ZBTB20: variants seen among roughly 807,000 people sequenced by gnomAD.
ZBTB20 encodes the protein zinc finger and BTB domain-containing protein 20.
Under a neutral mutation model 56.9 loss-of-function variants are expected in ZBTB20, and 9 were observed. The ratio of observed to expected loss-of-function variants is 0.16; its 90% CI spans 0.10 to 0.28. ZBTB20 has a LOEUF of 0.28. Among genes scored for constraint, ZBTB20 ranks in the 10% least tolerant of loss-of-function variants. The pLI is 1.00. For synonymous variants in ZBTB20, 417 were observed against 420.7 expected (o/e 0.99, Z 0.11); for missense variants, 655 against 1,003.0 (o/e 0.65, Z 4.69).
At chr3:114,910,754 G>A (rs569784307) in intron 3 of ZBTB20, among the ~76,000 whole-genome samples, 6 of 152,082 alleles carry the variant, frequency 3.9e-5, no homozygotes, top group African/African-American at 1.4e-4. Context: ...AGCAGCAGTT[G>A]ATAGAGGGAG....
chr3:114,800,791 A>G (rs1181145419), intron 5 of ZBTB20, among the ~76,000 whole-genome samples: 1 of 150,736 alleles, frequency 6.6e-6, no homozygotes. Flanking sequence ...AAAATAAAAT[A>G]AAATAAAAAA....
chr3:114,721,313 A>G (rs1018185432), intron 5 of ZBTB20, among the ~76,000 whole-genome samples: 3 of 152,046 alleles, frequency 2.0e-5, no homozygotes, highest in African/African-American at 7.3e-5. Context: ...GCATAAAGGT[A>G]ATGAGAGAGA....
At chr3:115,068,067 T>G (rs2082272303) in intron 2 of ZBTB20, among the ~76,000 whole-genome samples, 1 of 151,802 alleles carries the variant, frequency 6.6e-6, no homozygotes. Flanking sequence ...GTTCTGAATA[T>G]CATGTTGACT....
At chr3:114,583,475 A>T (rs898858756) in intron 6 of ZBTB20, among the ~76,000 whole-genome samples, 1 of 152,228 alleles carries the variant, frequency 6.6e-6, no homozygotes, top group Non-Finnish European at 1.5e-5. Flanking sequence ...AAACATGGCT[A>T]AAAGTGGGAA....
intron 6 of ZBTB20, among the ~76,000 whole-genome samples, chr3:114,613,338 G>C (rs564905858): frequency 6.6e-6 from 1 of 152,310 alleles, no homozygotes; most frequent in African/African-American, 2.4e-5. Flanking sequence ...CCAGGACTAG[G>C]ACCTAACCAA....
At chr3:114,427,473 C>A (rs1275661541) in intron 7 of ZBTB20, among the ~76,000 whole-genome samples, 1 of 152,202 alleles carries the variant, frequency 6.6e-6, no homozygotes, top group Admixed American at 6.5e-5. Context: ...CTAGATGGCT[C>A]CAGTGAGCCC....
intron 7 of ZBTB20, among the ~76,000 whole-genome samples, chr3:114,425,364 A>G (rs1327349770): frequency 6.6e-6 from 1 of 152,138 alleles, no homozygotes; most frequent in African/African-American, 2.4e-5. Flanking sequence ...TATTTCTTCT[A>G]CACGTTGTCT....
intron 7 of ZBTB20, among the ~76,000 whole-genome samples, chr3:114,485,999 A>G (rs1298300333): frequency 6.6e-6 from 1 of 152,080 alleles, no homozygotes; most frequent in Non-Finnish European, 1.5e-5. Flanking sequence ...CTCATTTTCT[A>G]AGAAGGAATA....
intron 5 of ZBTB20, among the ~76,000 whole-genome samples, chr3:114,751,858 G>A (rs904573278): frequency 5.9e-5 from 9 of 152,086 alleles, no homozygotes; most frequent in Non-Finnish European, 5.9e-5. Context: ...GATTCTTAAT[G>A]TGTGTTGGAA....
rs1218711824 is a variant in ZBTB20 at position 114,350,385 on chromosome 3, C to T, written c.1693G>A (p.Gly565Ser). Residue 565 changes from glycine (G) to serine (S), a missense_variant, in exon 11 of 12, where the codon GGC becomes AGC. Physicochemically the swap from Gly to Ser is moderately conservative, Grantham distance 56. Coordinates refer to ENST00000675478, the MANE Select transcript of ZBTB20 (RefSeq NM_001348800.3). ...PAPQPLASSAGHSTASGQGEK... is the reference protein window; with the variant it reads ...PAPQPLASSASHSTASGQGEK... Reference sequence around the variant, plus strand: ...CCTTGCCCACTGGCTGTGCTGTGGCCTGCGGATGAGGCCAGGGGCTGTGGC... The same window carrying T: ...CCTTGCCCACTGGCTGTGCTGTGGCTTGCGGATGAGGCCAGGGGCTGTGGC... 1.9e-6 allele frequency: 3 copies of T among 1,614,192 alleles called. No homozygotes were observed. Among genetic ancestry groups the T allele is most frequent in the Admixed American group, 1.7e-5 (1 of 60,026 alleles).
At chr3:114,548,053 G>T (rs896082440) in intron 6 of ZBTB20, among the ~76,000 whole-genome samples, 1 of 152,204 alleles carries the variant, frequency 6.6e-6, no homozygotes, top group African/African-American at 2.4e-5. Context: ...CAGTGAATAA[G>T]ATGGCTTTTG....
chr3:114,903,480 C>T lies in ZBTB20; in HGVS notation c.-455-3138G>A, dbSNP rs142007520. 5.7e-3 allele frequency among the ~76,000 whole-genome samples: 872 copies of T among 152,080 alleles called. 8 individuals are homozygous for T. The highest frequency in any genetic ancestry group is 0.017 in the African/African-American group (702 of 41,522). ...CTTGTTGAAGACATCACCCTACAGT[C>T]CAGCAGCTCATCCAAAAGCCAGTCA... On this transcript the variant is annotated intron_variant, in intron 3 of 11. Transcript: ENST00000675478.
chr3:114,787,368 T>TATATAA (rs1433434685), intron 5 of ZBTB20, among the ~76,000 whole-genome samples: 1 of 106,314 alleles, frequency 9.4e-6, no homozygotes. Context: ...TATATATATA[T>TATATAA]ACACACACAC....
intron 5 of ZBTB20, among the ~76,000 whole-genome samples, chr3:114,760,150 A>G (rs1300092055): frequency 2.6e-5 from 4 of 152,218 alleles, no homozygotes. Flanking sequence ...AATTTTATTA[A>G]TGTCCTTAAT....
chr3:114,986,826 T>C (rs896181031), intron 2 of ZBTB20, among the ~76,000 whole-genome samples: 29 of 152,284 alleles, frequency 1.9e-4, no homozygotes, highest in Non-Finnish European at 4.3e-4. Context: ...TGTCATAAGA[T>C]ACATTACATA....
chr3:114,549,512 G>A (rs932424356), intron 6 of ZBTB20, among the ~76,000 whole-genome samples: 1 of 151,906 alleles, frequency 6.6e-6, no homozygotes, highest in African/African-American at 2.4e-5. Context: ...TTGAATATAT[G>A]CAGTACAATT....
intron 6 of ZBTB20, among the ~76,000 whole-genome samples, chr3:114,530,157 A>G (rs2047682225): frequency 6.6e-6 from 1 of 152,206 alleles, no homozygotes; most frequent in African/African-American, 2.4e-5. Flanking sequence ...GTATACAGTA[A>G]TGTCCTAGGT....
At chr3:114,884,534 A>G (rs1006288933) in intron 4 of ZBTB20, among the ~76,000 whole-genome samples, 8 of 152,166 alleles carry the variant, frequency 5.3e-5, no homozygotes, top group Admixed American at 3.3e-4. Flanking sequence ...ACATTAAACT[A>G]AGGAAAATTC....
intron 5 of ZBTB20, among the ~76,000 whole-genome samples, chr3:114,709,002 C>T (rs978827036): frequency 2.6e-5 from 4 of 152,072 alleles, no homozygotes; most frequent in Non-Finnish European, 5.9e-5. Context: ...CTCTAGAAGT[C>T]TTCCTTCTCC....
Sources: gnomAD v4.1 joint callset for allele counts (sites outside exome capture counted in the v4.1 genomes callset) on GRCh38, gnomAD v4.1.1 for gene constraint, MANE v1.5 for transcripts, NCBI Gene and HGNC (gene_info 2026-07-23, HGNC 2026-07-21) for gene names.